SYTL3: variants seen among roughly 807,000 people sequenced by gnomAD.
The protein encoded by SYTL3 is synaptotagmin-like protein 3.
In SYTL3, 88 loss-of-function variants were observed where a neutral mutation model predicts 82.1. The observed-to-expected ratio is 1.07, with a 90% CI of 0.90 to 1.28. SYTL3 has a LOEUF of 1.28. SYTL3 is among the 50% of genes most tolerant of loss of function. The pLI is 0.00. For missense variants in SYTL3, 831 were observed against 757.6 expected (o/e 1.10, Z -1.14); for synonymous variants, 311 against 289.4 (o/e 1.07, Z -0.76).
chr6:158,756,074 G>C (rs1310920928), intron 13 of SYTL3, among the ~76,000 whole-genome samples: 1 of 152,260 alleles, frequency 6.6e-6, no homozygotes, highest in Non-Finnish European at 1.5e-5. Flanking sequence ...AACTTGTAGG[G>C]TTTGTTCATT....
chr6:158,753,082 T>C lies in SYTL3; in HGVS notation c.1137+1052T>C, dbSNP rs1171068713. On this transcript the variant is annotated intron_variant, in intron 13 of 17. Coordinates refer to ENST00000611299, the MANE Select transcript of SYTL3 (RefSeq NM_001242394.2). Reference sequence around the variant, plus strand: ...TTTAAAACATTTCTTCTTTTCTTTTTTTTTTTTTTTTTTTTGAGATGGAGT... The same window carrying C: ...TTTAAAACATTTCTTCTTTTCTTTTCTTTTTTTTTTTTTTTGAGATGGAGT... Among the ~76,000 whole-genome samples the C allele has an allele frequency of 1.0e-3, 152 of 145,722 alleles. 1 individual carries two copies. Among genetic ancestry groups the C allele is most frequent in the African/African-American group, 2.2e-3 (88 of 39,242 alleles).
intron 5 of SYTL3, among the ~76,000 whole-genome samples, chr6:158,681,347 T>C (rs1778669505): frequency 6.6e-6 from 1 of 152,118 alleles, no homozygotes; most frequent in African/African-American, 2.4e-5. Context: ...CTGTCATGCA[T>C]GTGACTAAGA....
rs1046500131 is a variant in SYTL3, at chr6:158,745,233, G to A, written c.856-247G>A. 5.4e-5 allele frequency among the ~76,000 whole-genome samples: 6 copies of A among 111,516 alleles called. No individual in the cohort carries two copies. In the South Asian group the frequency reaches 1.2e-3, roughly 22 times the overall value. The allele number at this position is 111,516 out of a possible 152,430, so 73.2% of individuals were successfully genotyped here. On this transcript the variant is annotated intron_variant, in intron 11 of 17. Coordinates refer to ENST00000611299, the MANE Select transcript of SYTL3 (RefSeq NM_001242394.2). ...GCAATTTGTGTTAAAGAATGAGATCGTGTAACATTTATTGCTAGGCAAAAA... is the reference window on the plus strand; with the variant it reads ...GCAATTTGTGTTAAAGAATGAGATCATGTAACATTTATTGCTAGGCAAAAA...
intron 13 of SYTL3, 138 bp from the exon 14 acceptor site, chr6:158,757,071 CAT>C: frequency 2.5e-6 from 2 of 794,828 alleles, no homozygotes; most frequent in Non-Finnish European, 3.9e-6. Context: ...GCTGCATCCG[CAT>C]CTTGGACTCA....
At chr6:158,683,215 C>CTTTTTTTTTTT (rs35183958) in intron 6 of SYTL3, among the ~76,000 whole-genome samples, 2 of 92,112 alleles carry the variant, frequency 2.2e-5, no homozygotes, top group Non-Finnish European at 4.0e-5. Flanking sequence ...GGCCCTATTC[C>CTTTTTTTTTTT]TTTTTTTTTT....
At chr6:158,691,574 C>CT (rs951283512) in intron 6 of SYTL3, among the ~76,000 whole-genome samples, 34 of 151,934 alleles carry the variant, frequency 2.2e-4, no homozygotes, top group Middle Eastern at 3.4e-3. Flanking sequence ...TACTTTTTTT[C>CT]TTTTTTTTAA....
chr6:158,731,546 ATC>A (rs747347314), intron 11 of SYTL3, among the ~76,000 whole-genome samples: 3 of 151,926 alleles, frequency 2.0e-5, no homozygotes, highest in Non-Finnish European at 4.4e-5. Context: ...TTCCAAAGTT[ATC>A]TCTCTTTTTC....
At chr6:158,715,639 A>ACCCCCCCCCCCCCCCCCCCC (rs71030193) in intron 9 of SYTL3, among the ~76,000 whole-genome samples, 2 of 92,994 alleles carry the variant, frequency 2.2e-5, no homozygotes, top group African/African-American at 9.3e-5. Flanking sequence ...CACCCCCCAT[A>ACCCCCCCCCCCCCCCCCCCC]CCCCCCCACC....
intron 15 of SYTL3, among the ~76,000 whole-genome samples, chr6:158,761,352 G>A (rs1249855274): frequency 7.0e-6 from 1 of 142,784 alleles, no homozygotes; most frequent in African/African-American, 2.6e-5. Context: ...ACCCAGGCTG[G>A]AGTGCAGTGG....
chr6:158,698,059 A>G (rs1780753542), intron 6 of SYTL3, among the ~76,000 whole-genome samples: 1 of 152,178 alleles, frequency 6.6e-6, no homozygotes, highest in Admixed American at 6.5e-5. Flanking sequence ...GCTTGGAGCC[A>G]GTGCTATCTT....
chr6:158,718,790 T>C (rs1388962273), intron 10 of SYTL3, among the ~76,000 whole-genome samples: 1 of 152,170 alleles, frequency 6.6e-6, no homozygotes, highest in East Asian at 1.9e-4. Context: ...AACCTTAGAA[T>C]GGGAAAGCCC....
Position 158,764,757 on chromosome 6 carries a change from G to A in SYTL3, c.*153G>A. On this transcript the variant is annotated 3_prime_UTR_variant, in exon 18 of 18. Transcript: ENST00000611299. ...CTGTCCCATGGCTTAACCGCCTATT[G>A]GTATCTGTGTATATTTACGTTAAAC... is the stretch of plus-strand genomic sequence containing the variant. 1.7e-6 allele frequency: 1 copy of A among 583,526 alleles called. No individual in the cohort carries two copies. Among genetic ancestry groups the A allele is most frequent in the Non-Finnish European group, 3.1e-6 (1 of 323,756 alleles). 36.1% of individuals were successfully genotyped at this position (583,526 alleles called of 1,614,324 possible). A position where few individuals can be genotyped will look rare whatever the true frequency, so the allele number is the denominator to read the frequency against.
intron 4 of SYTL3, chr6:158,663,685 G>C (rs534074132): frequency 1.1e-6 from 1 of 872,000 alleles, no homozygotes; most frequent in South Asian, 5.3e-5. Context: ...ATCATTCAAG[G>C]GACATTTTCA....
intron 9 of SYTL3, among the ~76,000 whole-genome samples, chr6:158,715,781 C>T (rs1048161824): frequency 2.0e-5 from 3 of 152,056 alleles, no homozygotes; most frequent in Admixed American, 6.5e-5. Context: ...ACCACACACA[C>T]GCCCTTCTCC....
chr6:158,738,046 C>T (rs948280492), intron 11 of SYTL3, among the ~76,000 whole-genome samples: 2 of 152,164 alleles, frequency 1.3e-5, no homozygotes, highest in Admixed American at 6.6e-5. Context: ...GGGTGCCAAC[C>T]TGGACAAGCG....
chr6:158,714,824 TCTTTATGTGA>T (rs1783172803), intron 9 of SYTL3, among the ~76,000 whole-genome samples: 1 of 152,194 alleles, frequency 6.6e-6, no homozygotes, highest in Non-Finnish European at 1.5e-5. Flanking sequence ...TGAGACAGTC[TCTTTATGTGA>T]CTTTAATTAG....
At chr6:158,692,301 A>G (rs1047230828) in intron 6 of SYTL3, among the ~76,000 whole-genome samples, 6 of 141,856 alleles carry the variant, frequency 4.2e-5, no homozygotes, top group African/African-American at 1.5e-4. Context: ...AAAAAGGGTT[A>G]AATGTAATAG....
chr6:158,743,480 G>A (rs1156537905), intron 11 of SYTL3, among the ~76,000 whole-genome samples: 1 of 151,658 alleles, frequency 6.6e-6, no homozygotes, highest in Admixed American at 6.6e-5. Context: ...TAGCTTCTCC[G>A]TTCATCTACC....
chr6:158,686,515 G>A (rs1467734973), intron 6 of SYTL3, among the ~76,000 whole-genome samples: 1 of 152,164 alleles, frequency 6.6e-6, no homozygotes, highest in Non-Finnish European at 1.5e-5. Context: ...CAGGTTGGGT[G>A]GAGTTTGCAG....
Sources: gnomAD v4.1 joint callset for allele counts (sites outside exome capture counted in the v4.1 genomes callset) on GRCh38, gnomAD v4.1.1 for gene constraint, MANE v1.5 for transcripts, NCBI Gene and HGNC (gene_info 2026-07-23, HGNC 2026-07-21) for gene names.